Variants in APTX observed in about 807,000 individuals in gnomAD.
APTX encodes forkhead-associated domain histidine triad-like protein.
In APTX, 33 loss-of-function variants were observed where a neutral mutation model predicts 42.3. The observed-to-expected ratio is 0.78, with a 90% CI of 0.59 to 1.04. The LOEUF (loss-of-function observed/expected upper bound fraction) is 1.04. Ranked by LOEUF, APTX falls within the 50% of genes least tolerant of loss-of-function variation. The probability of loss-of-function intolerance (pLI) is 0.00; values close to 1 mark genes in which losing one functional copy is unlikely to be tolerated. For synonymous variants in APTX, 130 were observed against 146.7 expected, an observed-to-expected ratio of 0.89 and a Z score of 0.82; for missense variants, 421 against 415.1, an observed-to-expected ratio of 1.01 and a Z score of -0.12.
intron 6 of APTX, among the ~76,000 whole-genome samples, chr9:32,976,545 A>G (rs1167395758): frequency 6.6e-6 from 1 of 152,216 alleles, no homozygotes; most frequent in Non-Finnish European, 1.5e-5. Flanking sequence ...GATTTATACA[A>G]TCCTTAAGCT....
Position 32,989,563 on chromosome 9 carries a change from G to T in APTX, c.133+196C>A, listed in dbSNP as rs764588722. 7.5e-5 allele frequency: 62 copies of T among 825,610 alleles called. No homozygotes were observed. The African/African-American group carries it at 9.3e-4, about 12-fold the overall frequency. The allele number at this position is 825,610 out of a possible 1,614,324, so 51.1% of individuals were successfully genotyped here. On this transcript the variant is annotated intron_variant, in intron 2 of 7. Coordinates refer to ENST00000379817, the MANE Select transcript of APTX (RefSeq NM_001195248.2). ...ACTGCTCCCAACCTTCACCCACCCT[G>T]CCTTGAACATTATCACATTGGGAGG...
At chr9:32,996,521 T>C (rs1834979813) in intron 1 of APTX, among the ~76,000 whole-genome samples, 1 of 152,098 alleles carries the variant, frequency 6.6e-6, no homozygotes, top group African/African-American at 2.4e-5. Context: ...AATCCTCCTG[T>C]CTTGACCTCC....
At chr9:33,015,547 C>A (rs1837838420) in intron 1 of APTX, among the ~76,000 whole-genome samples, 1 of 152,106 alleles carries the variant, frequency 6.6e-6, no homozygotes, top group South Asian at 2.1e-4. Context: ...TTAGTAGAGA[C>A]AGGGTTTCAC....
intron 1 of APTX, chr9:33,019,849 C>G: frequency 1.5e-6 from 1 of 647,618 alleles, no homozygotes; most frequent in Admixed American, 2.4e-5. Flanking sequence ...CTGTGAGATC[C>G]TTCCCAACCA....
upstream of APTX, among the ~76,000 whole-genome samples, chr9:33,005,551 C>T (rs1333764527): frequency 6.6e-6 from 1 of 152,014 alleles, no homozygotes; most frequent in Non-Finnish European, 1.5e-5. Flanking sequence ...ATCCTCCCAC[C>T]TCAGCCTCCC....
chr9:32,995,290 AAGAAC>A (rs1387492899), intron 1 of APTX, among the ~76,000 whole-genome samples: 1 of 152,230 alleles, frequency 6.6e-6, no homozygotes. Flanking sequence ...AGATGCCCTT[AAGAAC>A]ATCTGTAATT....
intron 1 of APTX, among the ~76,000 whole-genome samples, chr9:33,024,596 C>G (rs1029781424): frequency 1.3e-5 from 2 of 152,176 alleles, no homozygotes; most frequent in African/African-American, 2.4e-5. Context: ...ACGGTCCAAA[C>G]GTCTCACTGT....
intron 1 of APTX, among the ~76,000 whole-genome samples, chr9:33,021,777 C>A (rs998526303): frequency 6.6e-6 from 1 of 152,084 alleles, no homozygotes; most frequent in Non-Finnish European, 1.5e-5. Flanking sequence ...TACAAATAAT[C>A]CTCAGTCCTT....
chr9:33,001,591 T>C lies in APTX; in HGVS notation c.-29A>G, dbSNP rs751040521. 1.7e-5 allele frequency: 28 copies of C among 1,613,944 alleles called. 1 individual carries two copies. The highest frequency in any genetic ancestry group is 7.7e-5 in the South Asian group (7 of 91,074). ...CCTCCAGAAGTCGGAGACGGACAAA[T>C]TCACGTTACTCATCTGTGCCTCACC... is the stretch of plus-strand genomic sequence containing the variant. On this transcript the variant is annotated 5_prime_UTR_variant, in exon 1 of 8. Transcript: ENST00000379817.
At chr9:33,017,347 T>A (rs1311336631) in intron 1 of APTX, among the ~76,000 whole-genome samples, 2 of 152,186 alleles carry the variant, frequency 1.3e-5, no homozygotes, top group African/African-American at 4.8e-5. Context: ...GAAACTTATT[T>A]CTCATTTGTG....
intron 1 of APTX, among the ~76,000 whole-genome samples, chr9:33,010,057 C>T (rs991950101): frequency 2.0e-5 from 3 of 152,162 alleles, no homozygotes; most frequent in African/African-American, 7.2e-5. Flanking sequence ...TAGAAAACTT[C>T]TCTGGCTACT....
intron 1 of APTX, among the ~76,000 whole-genome samples, chr9:33,017,037 A>G (rs1377123093): frequency 1.3e-5 from 2 of 152,234 alleles, no homozygotes; most frequent in African/African-American, 4.8e-5. Flanking sequence ...CTGTTCCTCT[A>G]TTCATAATAC....
At chr9:33,001,469 C>T in intron 1 of APTX, 98 bp downstream of exon 1, 1 of 1,594,664 alleles carries the variant, frequency 6.3e-7, no homozygotes, top group Non-Finnish European at 8.5e-7. Context: ...CAGCGTCATT[C>T]AAGGCACATC....
At chr9:32,990,234 A>G (rs10971274) in intron 1 of APTX, 68,664 of 220,642 alleles carry the variant, frequency 0.31, 11,560 homozygotes, top group Non-Finnish European at 0.36. Flanking sequence ...ACGCAGTGGC[A>G]CAATCTCGGC....
At chr9:33,020,147 C>T (rs112955789) in intron 1 of APTX, 121 of 354,254 alleles carry the variant, frequency 3.4e-4, no homozygotes, top group African/African-American at 2.1e-3. Context: ...GCCCTGGCTC[C>T]GACTCCTTTT....
chr9:32,989,590 C>T, intron 2 of APTX, 169 bp downstream of exon 2: 1 of 1,014,100 alleles, frequency 9.9e-7, no homozygotes, highest in Non-Finnish European at 1.5e-6. Context: ...ATTGGGAGGG[C>T]AGAATCAGGA....
At position 32,989,506 on chromosome 9, in the gene APTX, T is replaced by C. The variant is rs141283171; in HGVS notation, c.133+253A>G. ...CTGGGGAAAGGAGGGCAGGACTCAA[T>C]TCCACCATCCCATGGTAACAGTATG... On this transcript the variant is annotated intron_variant, in intron 2 of 7. Transcript: ENST00000379817. 6.5e-5 allele frequency: 40 copies of C among 619,940 alleles called. No homozygotes were observed. The Middle Eastern group carries it at 1.2e-3, about 19-fold the overall frequency. 38.4% of individuals were successfully genotyped at this position (619,940 alleles called of 1,614,324 possible).
At chr9:33,010,839 G>A (rs931344722) in intron 1 of APTX, among the ~76,000 whole-genome samples, 2 of 151,946 alleles carry the variant, frequency 1.3e-5, no homozygotes, top group African/African-American at 4.8e-5. Context: ...AAACAAGTGG[G>A]ATATAGAAAG....
At chr9:32,996,232 C>A (rs888228725) in intron 1 of APTX, among the ~76,000 whole-genome samples, 15 of 151,946 alleles carry the variant, frequency 9.9e-5, no homozygotes, top group Admixed American at 2.0e-4. Context: ...TGTATGTATA[C>A]CCTTCAAGTA....
Sources: allele counts gnomAD v4.1 joint callset (sites outside exome capture counted in the v4.1 genomes callset), GRCh38; gene constraint gnomAD v4.1.1; transcripts MANE v1.5; gene names NCBI Gene and HGNC (gene_info 2026-07-23, HGNC 2026-07-21).